The following AIG1 variants were observed in gnomAD, a reference collection of about 807,000 sequenced individuals.
AIG1 encodes the protein androgen induced 1, also known as androgen-induced gene 1 protein.
A neutral mutation model predicts 31.4 loss-of-function variants in AIG1; 23 were observed. The observed-to-expected ratio is 0.73, with a 90% CI of 0.53 to 1.04. AIG1 has a LOEUF of 1.04. AIG1 is among the 50% of genes least tolerant of loss of function. AIG1 has a pLI of 0.00. For synonymous variants in AIG1, 100 were observed against 110.5 expected (o/e 0.90, Z 0.60); for missense variants, 274 against 295.0 (o/e 0.93, Z 0.52).
intron 3 of AIG1, among the ~76,000 whole-genome samples, chr6:143,184,966 G>A (rs1437633192): frequency 6.6e-6 from 1 of 152,202 alleles, no homozygotes; most frequent in Admixed American, 6.5e-5. Flanking sequence ...GGGAGGCCGA[G>A]GTGGGCGGAT....
At chr6:143,093,568 T>G (rs1223507209) in intron 1 of AIG1, among the ~76,000 whole-genome samples, 1 of 152,242 alleles carries the variant, frequency 6.6e-6, no homozygotes, top group Non-Finnish European at 1.5e-5. Context: ...CAATAACTTT[T>G]CCTTTGCATT....
rs913266943 is a variant in AIG1 at position 143,098,234 on chromosome 6, C to T, written c.141+37168C>T. 5.3e-5 allele frequency among the ~76,000 whole-genome samples: 8 copies of T among 152,324 alleles called. No individual in the cohort carries two copies. The East Asian group carries it at 1.5e-3, about 29-fold the overall frequency. On this transcript the variant is annotated intron_variant, in intron 1 of 5. Transcript: ENST00000357847. ...TCTGCCCCAGTGAAGGAAGTCTAATCAAGGTCATCAGTAACCACTGCGTCA... is the reference window on the plus strand; with the variant it reads ...TCTGCCCCAGTGAAGGAAGTCTAATTAAGGTCATCAGTAACCACTGCGTCA...
At chr6:143,162,798 G>C (rs544752119) in intron 2 of AIG1, among the ~76,000 whole-genome samples, 1 of 152,140 alleles carries the variant, frequency 6.6e-6, no homozygotes. Flanking sequence ...GGGTCAGACT[G>C]GGGGAGGAGG....
At chr6:143,202,621 G>T (rs1790789853) in intron 3 of AIG1, among the ~76,000 whole-genome samples, 1 of 152,198 alleles carries the variant, frequency 6.6e-6, no homozygotes, top group Non-Finnish European at 1.5e-5. Context: ...TTATGTTTTA[G>T]CTGCTGGCGG....
chr6:143,228,642 C>T (rs187856035), intron 3 of AIG1, among the ~76,000 whole-genome samples: 7 of 152,258 alleles, frequency 4.6e-5, no homozygotes, highest in East Asian at 1.9e-4. Context: ...CTTGGACAAA[C>T]GAGAGGGACT....
chr6:143,091,688 A>G (rs1223100122), intron 1 of AIG1, among the ~76,000 whole-genome samples: 1 of 152,224 alleles, frequency 6.6e-6, no homozygotes, highest in African/African-American at 2.4e-5. Context: ...AGCTATAGAA[A>G]TGGCTCTGCG....
chr6:143,239,576 G>A (rs902071303), intron 3 of AIG1, among the ~76,000 whole-genome samples: 1 of 152,172 alleles, frequency 6.6e-6, no homozygotes, highest in Non-Finnish European at 1.5e-5. Context: ...TTCACCACAC[G>A]ATCTTGTTTC....
At chr6:143,323,477 A>G (rs568310223) in intron 4 of AIG1, among the ~76,000 whole-genome samples, 1 of 152,308 alleles carries the variant, frequency 6.6e-6, no homozygotes, top group East Asian at 1.9e-4. Flanking sequence ...AAATACTGTA[A>G]ACCCACTGTA....
chr6:143,082,783 A>C (rs529274776), intron 1 of AIG1, among the ~76,000 whole-genome samples: 1 of 152,128 alleles, frequency 6.6e-6, no homozygotes, highest in East Asian at 1.9e-4. Context: ...GGACCTGTGT[A>C]AGGACTCTTA....
intron 3 of AIG1, among the ~76,000 whole-genome samples, chr6:143,173,682 A>G (rs748499431): frequency 5.3e-5 from 8 of 152,064 alleles, no homozygotes; most frequent in Non-Finnish European, 1.2e-4. Context: ...ATTTTCATAT[A>G]TTTGCATGGT....
At chr6:143,251,354 T>C (rs1469834362) in intron 3 of AIG1, among the ~76,000 whole-genome samples, 1 of 152,082 alleles carries the variant, frequency 6.6e-6, no homozygotes, top group Non-Finnish European at 1.5e-5. Flanking sequence ...GCCCGGCCGA[T>C]TGTTGTTTTA....
At chr6:143,087,173 C>T (rs947453655) in intron 1 of AIG1, among the ~76,000 whole-genome samples, 2 of 152,224 alleles carry the variant, frequency 1.3e-5, no homozygotes, top group African/African-American at 2.4e-5. Context: ...ATATTACTCA[C>T]CTCTTTGGAG....
At chr6:143,306,948 A>G (rs1275359932) in intron 4 of AIG1, among the ~76,000 whole-genome samples, 1 of 151,832 alleles carries the variant, frequency 6.6e-6, no homozygotes, top group Non-Finnish European at 1.5e-5. Flanking sequence ...CATTTCATTC[A>G]TTTCATCTTC....
At chr6:143,073,319 C>T (rs1777460394) in intron 1 of AIG1, among the ~76,000 whole-genome samples, 2 of 152,164 alleles carry the variant, frequency 1.3e-5, no homozygotes, top group African/African-American at 4.8e-5. Flanking sequence ...GTGAATGATG[C>T]TGCAATGAAC....
intron 4 of AIG1, among the ~76,000 whole-genome samples, chr6:143,296,674 T>A (rs1247971154): frequency 1.3e-5 from 2 of 152,186 alleles, no homozygotes; most frequent in Non-Finnish European, 2.9e-5. Context: ...AGAGATGAGC[T>A]TATACCCCAA....
chr6:143,182,301 T>C (rs1371680574), intron 3 of AIG1, among the ~76,000 whole-genome samples: 3 of 152,228 alleles, frequency 2.0e-5, no homozygotes, highest in African/African-American at 7.2e-5. Flanking sequence ...CCCAAAGTGC[T>C]GAGATTACAG....
intron 3 of AIG1, among the ~76,000 whole-genome samples, chr6:143,234,923 T>C (rs1167140328): frequency 6.6e-6 from 1 of 152,104 alleles, no homozygotes; most frequent in Non-Finnish European, 1.5e-5. Context: ...CCAATCAGAT[T>C]GTCTTGGAAT....
At chr6:143,172,749 T>C (rs1173703571) in intron 3 of AIG1, among the ~76,000 whole-genome samples, 1 of 152,222 alleles carries the variant, frequency 6.6e-6, no homozygotes, top group Non-Finnish European at 1.5e-5. Flanking sequence ...CGCTTCTTGT[T>C]ATTGGTCCAT....
intron 3 of AIG1, among the ~76,000 whole-genome samples, chr6:143,205,420 C>T (rs1791036121): frequency 6.6e-6 from 1 of 152,138 alleles, no homozygotes; most frequent in Admixed American, 6.5e-5. Flanking sequence ...ACAGTTTTTC[C>T]TGTATGAATC....
Sources: allele counts gnomAD v4.1 joint callset (sites outside exome capture counted in the v4.1 genomes callset), GRCh38; gene constraint gnomAD v4.1.1; transcripts MANE v1.5; gene names NCBI Gene and HGNC (gene_info 2026-07-23, HGNC 2026-07-21).